FBXO38: variants seen among roughly 807,000 people sequenced by gnomAD.
FBXO38 encodes the protein F-box only protein 38.
Under a neutral mutation model 131.9 loss-of-function variants are expected in FBXO38, and 53 were observed. The observed-to-expected ratio is 0.40, with a 90% CI of 0.32 to 0.51. The LOEUF (loss-of-function observed/expected upper bound fraction) is 0.51. Among genes scored for constraint, FBXO38 ranks in the 20% least tolerant of loss-of-function variants. The pLI is 0.53. For synonymous variants in FBXO38, 452 were observed against 505.6 expected (o/e 0.89, Z 1.42); for missense variants, 1,076 against 1,475.6 (o/e 0.73, Z 4.44).
chr5:148,433,434 A>C lies in FBXO38; in HGVS notation c.2664A>C (p.Lys888Asn), dbSNP rs1581297205. 1 of 1,611,810 alleles carries C rather than the reference A, an allele frequency of 6.2e-7. No individual in the cohort carries two copies. The highest frequency in any genetic ancestry group is 1.3e-5 in the African/African-American group (1 of 74,792). The change falls in exon 16 of 22, where the codon AAA becomes AAC. Residue 888 changes from lysine (K) to asparagine (N), a missense_variant. Coordinates refer to ENST00000340253, the MANE Select transcript of FBXO38 (RefSeq NM_205836.3). ...VLLVSESEVA[K>N]TKPRHAMKRK... ...TTTTGCCTTTTTTAGAAGTAGCCAAAACAAAGCCACGTCACGCCATGAAAC... is the reference window on the plus strand; with the variant it reads ...TTTTGCCTTTTTTAGAAGTAGCCAACACAAAGCCACGTCACGCCATGAAAC...
intron 1 of FBXO38, among the ~76,000 whole-genome samples, chr5:148,386,164 TA>T (rs1757903109): frequency 6.6e-6 from 1 of 152,054 alleles, no homozygotes; most frequent in East Asian, 1.9e-4. Context: ...TTGGTGAAGG[TA>T]GGGTGTGGTC....
In FBXO38 at chr5:148,442,081, A is replaced by T. The variant is rs765420622; in HGVS notation, c.3501A>T (p.Arg1167=). ...AGATGAAGAAGGGTGTATTTCAGCG[A>T]GTAGTGGCAATTTTTATCCACTATT... is the stretch of plus-strand genomic sequence containing the variant. ...MRQMKKGVFQ[R]VVAIFIHYCD... The change falls in exon 22 of 22, where the codon CGA becomes CGT. Residue 1167 remains arginine (R), a synonymous_variant. Transcript: ENST00000340253. 1 of 1,614,150 alleles carries T rather than the reference A, an allele frequency of 6.2e-7. No homozygotes were observed. The highest frequency in any genetic ancestry group is 1.7e-5 in the Admixed American group (1 of 60,024).
intron 1 of FBXO38, among the ~76,000 whole-genome samples, chr5:148,391,843 T>C (rs1561511044): frequency 6.6e-6 from 1 of 152,218 alleles, no homozygotes; most frequent in Non-Finnish European, 1.5e-5. Flanking sequence ...TTATCACTCC[T>C]CAAAGGTTAC....
At position 148,442,016 on chromosome 5, in the gene FBXO38, T is replaced by G; in HGVS notation, c.3436T>G (p.Cys1146Gly). 1 of 1,614,190 alleles carries G rather than the reference T, an allele frequency of 6.2e-7. No homozygotes were observed. The highest frequency in any genetic ancestry group is 8.5e-7 in the Non-Finnish European group (1 of 1,179,992). The change falls in exon 22 of 22, where the codon TGT becomes GGT. Residue 1146 changes from cysteine to glycine, a missense_variant. Physicochemically the swap from Cys to Gly is radical, Grantham distance 159. Transcript: ENST00000340253. ...GAAAGGACAGCTGTCTGCAGACATC[T>G]GTATGGAAACAATAGGAGAGGAAAT... The part of the protein sequence containing the change: ...RRKGQLSADI[C>G]METIGEEISE...
chr5:148,432,181 G>C (rs1754077337), intron 15 of FBXO38, among the ~76,000 whole-genome samples: 1 of 152,180 alleles, frequency 6.6e-6, no homozygotes, highest in Non-Finnish European at 1.5e-5. Flanking sequence ...TTTAATTCAT[G>C]AAAGTCAGTT....
At chr5:148,416,731 T>G (rs975502042) in intron 11 of FBXO38, 2 of 427,718 alleles carry the variant, frequency 4.7e-6, no homozygotes, top group Non-Finnish European at 8.4e-6. Flanking sequence ...ATTGCGGCTC[T>G]ACCACTTACT....
intron 1 of FBXO38, among the ~76,000 whole-genome samples, chr5:148,386,896 A>T (rs1306496106): frequency 2.6e-5 from 4 of 151,998 alleles, no homozygotes; most frequent in African/African-American, 9.7e-5. Context: ...CCATAATTTT[A>T]AAGTACTTAA....
chr5:148,399,616 C>T (rs1009560046), intron 3 of FBXO38: 1 of 152,870 alleles, frequency 6.5e-6, no homozygotes, highest in Non-Finnish European at 1.5e-5. Context: ...TGGAGATTCT[C>T]GAATAAGCCA....
chr5:148,406,175 A>G, intron 6 of FBXO38, 82 bp from the exon 7 acceptor site: 1 of 1,321,554 alleles, frequency 7.6e-7, no homozygotes, highest in Non-Finnish European at 1.0e-6. Flanking sequence ...AGAGTTTATA[A>G]GTTATACATG....
intron 12 of FBXO38, among the ~76,000 whole-genome samples, chr5:148,418,303 C>G (rs537666203): frequency 6.6e-6 from 1 of 152,326 alleles, no homozygotes; most frequent in South Asian, 2.1e-4. Flanking sequence ...TGTAGCACCT[C>G]CTGTATTCCA....
intron 12 of FBXO38, among the ~76,000 whole-genome samples, chr5:148,418,798 T>C (rs1333540181): frequency 6.6e-6 from 1 of 152,242 alleles, no homozygotes; most frequent in Non-Finnish European, 1.5e-5. Flanking sequence ...TACTTTGCCA[T>C]GGACTTCTCA....
At chr5:148,409,687 A>G (rs1429740339) in intron 8 of FBXO38, among the ~76,000 whole-genome samples, 6 of 152,238 alleles carry the variant, frequency 3.9e-5, no homozygotes, top group East Asian at 1.9e-4. Flanking sequence ...CCAAGTGGTT[A>G]TATCACTTTA....
chr5:148,414,891 G>A (rs560605809), intron 10 of FBXO38, among the ~76,000 whole-genome samples: 17 of 152,172 alleles, frequency 1.1e-4, no homozygotes, highest in African/African-American at 3.6e-4. Context: ...CTTAGATACC[G>A]AAATTTACAA....
chr5:148,430,152 A>ATT (rs374898610), intron 15 of FBXO38: 42 of 118,654 alleles, frequency 3.5e-4, no homozygotes, highest in African/African-American at 1.4e-3. Flanking sequence ...AATTATTATT[A>ATT]TTATTATTTT....
At chr5:148,386,612 T>G (rs1757927203) in intron 1 of FBXO38, among the ~76,000 whole-genome samples, 1 of 152,194 alleles carries the variant, frequency 6.6e-6, no homozygotes, top group African/African-American at 2.4e-5. Flanking sequence ...ATTCTGTCAT[T>G]TCTGACATTT....
At position 148,424,181 on chromosome 5, in the gene FBXO38, A is replaced by G. The variant is rs10068442; in HGVS notation, c.1738+64A>G. On this transcript the variant is annotated intron_variant, in intron 13 of 21. Transcript: ENST00000340253. ...CTACGGCCTAACTGTAATGAAGTACATGAGACAGCGAGAATGATTGTTTTC... is the reference window on the plus strand; with the variant it reads ...CTACGGCCTAACTGTAATGAAGTACGTGAGACAGCGAGAATGATTGTTTTC... 2,696 of 1,500,706 alleles carry G rather than the reference A, an allele frequency of 1.8e-3. 46 individuals are homozygous for G. The African/African-American group carries it at 0.034, about 19-fold the overall frequency. 93.0% of individuals were successfully genotyped at this position (1,500,706 alleles called of 1,614,324 possible).
At chr5:148,410,466 C>A in intron 8 of FBXO38, 169 bp from the exon 9 acceptor site, 2 of 754,778 alleles carry the variant, frequency 2.6e-6, no homozygotes, top group Non-Finnish European at 4.2e-6. Flanking sequence ...TTCGTGAGGC[C>A]TCCCCAGCCA....
At chr5:148,421,305 C>G (rs1184865768) in intron 12 of FBXO38, among the ~76,000 whole-genome samples, 4 of 152,150 alleles carry the variant, frequency 2.6e-5, no homozygotes, top group African/African-American at 9.7e-5. Flanking sequence ...GGAGCTGATA[C>G]TGCTGGTCTG....
At chr5:148,426,768 A>G (rs182678121) in intron 14 of FBXO38, among the ~76,000 whole-genome samples, 1 of 152,314 alleles carries the variant, frequency 6.6e-6, no homozygotes, top group East Asian at 1.9e-4. Context: ...TGTCAAAAAC[A>G]ATAGGTAGTA....
Sources: allele counts gnomAD v4.1 joint callset (sites outside exome capture counted in the v4.1 genomes callset), GRCh38; gene constraint gnomAD v4.1.1; transcripts MANE v1.5; gene names NCBI Gene and HGNC (gene_info 2026-07-23, HGNC 2026-07-21).